Variants in TTC27 observed in about 807,000 individuals in gnomAD.
The protein encoded by TTC27 is tetratricopeptide repeat domain 27.
In TTC27, 79 loss-of-function variants were observed where a neutral mutation model predicts 115.9. The observed-to-expected ratio is 0.68, with a 90% CI of 0.57 to 0.82. TTC27 has a LOEUF of 0.82. Ranked by LOEUF, TTC27 falls within the 40% of genes least tolerant of loss-of-function variation. The pLI, the probability that TTC27 is intolerant of heterozygous loss-of-function variation, is 0.00. For missense variants in TTC27, 1,054 were observed against 993.1 expected (o/e 1.06, Z -0.82); for synonymous variants, 401 against 356.0 (o/e 1.13, Z -1.42).
At position 32,702,848 on chromosome 2, in the gene TTC27, A is replaced by G. The variant is rs1209962467; in HGVS notation, c.1161A>G (p.Ser387=). The change falls in exon 10 of 20, where the codon TCA becomes TCG. Residue 387 remains serine, a synonymous_variant. Transcript: ENST00000317907. ...SQPKFWAIQT[S]ALILRTKLEK... The stretch of plus-strand genomic sequence containing the variant: ...CAAAGTTCTGGGCCATTCAGACATC[A>G]GCCTTGATCCTCCGGACAAAACTTG... 2 of 1,613,984 alleles carry G rather than the reference A, an allele frequency of 1.2e-6. No homozygotes were observed. The highest frequency in any genetic ancestry group is 2.7e-5 in the African/African-American group (2 of 74,920).
intron 18 of TTC27, among the ~76,000 whole-genome samples, chr2:32,815,142 T>A (rs180894923): frequency 6.6e-6 from 1 of 151,530 alleles, no homozygotes; most frequent in Admixed American, 6.6e-5. Context: ...GTGTTTCAGC[T>A]CTTTGCCATC....
chr2:32,763,445 G>T (rs1403158152), intron 13 of TTC27, among the ~76,000 whole-genome samples: 1 of 152,120 alleles, frequency 6.6e-6, no homozygotes, highest in Non-Finnish European at 1.5e-5. Context: ...AAACCAAAGT[G>T]GTATTTGAAT....
intron 9 of TTC27, among the ~76,000 whole-genome samples, chr2:32,696,415 G>A (rs953300052): frequency 1.4e-4 from 21 of 151,644 alleles, no homozygotes; most frequent in Non-Finnish European, 2.5e-4. Flanking sequence ...TCAGCCTCCC[G>A]GGTAGCTGGG....
At chr2:32,820,691 C>T in intron 19 of TTC27, 125 bp from the exon 20 acceptor site, 3 of 838,872 alleles carry the variant, frequency 3.6e-6, no homozygotes, top group Non-Finnish European at 4.8e-6. Flanking sequence ...AAAAATGCTA[C>T]CATTGCTATT....
rs1665687633 is a variant in TTC27, at chr2:32,664,417, A to T, written c.755A>T (p.Asp252Val). ...LYYYEYRKAKDQLDIAKDISQ... is the reference protein window; with the variant it reads ...LYYYEYRKAKVQLDIAKDISQ... ...TATTATGAGTACAGAAAAGCAAAAG[A>T]TCAGTTGGATATTGCTAAGGACATC... The change falls in exon 6 of 20, where the codon GAT becomes GTT. Residue 252 changes from aspartate to valine, a missense_variant. Transcript: ENST00000317907. The T allele has an allele frequency of 6.2e-7, 1 of 1,612,288 alleles. No homozygotes were observed. Among genetic ancestry groups the T allele is most frequent in the Non-Finnish European group, 8.5e-7 (1 of 1,179,464 alleles).
chr2:32,676,217 G>GCTGGAAC (rs1193159713), intron 8 of TTC27, among the ~76,000 whole-genome samples: 1 of 151,906 alleles, frequency 6.6e-6, no homozygotes, highest in Non-Finnish European at 1.5e-5. Flanking sequence ...ACGACCAAAT[G>GCTGGAAC]CTGGAACTTG....
rs777510454 is a variant in TTC27, at chr2:32,736,718, G to A, written c.1354G>A (p.Glu452Lys). 1.2e-6 allele frequency: 2 copies of A among 1,613,936 alleles called. No individual in the cohort carries two copies. Among genetic ancestry groups the A allele is most frequent in the African/African-American group, 1.3e-5 (1 of 75,024 alleles). ...GCGCCAACTTGCAAGTTTGCTCTTT[G>A]AGTTGGGATGTACCAGTTCAGCCCT... ...IQRQLASLLF[E>K]LGCTSSALQI... The change falls in exon 12 of 20, where the codon GAG (glutamate) becomes AAG (lysine). Residue 452 changes from glutamate to lysine, a missense_variant. Glu to Lys is a moderately conservative substitution (Grantham distance 56, BLOSUM62 1). Coordinates refer to ENST00000317907, the MANE Select transcript of TTC27 (RefSeq NM_017735.5).
chr2:32,751,790 A>G (rs548116087), intron 12 of TTC27, among the ~76,000 whole-genome samples: 158 of 152,242 alleles, frequency 1.0e-3, no homozygotes, highest in African/African-American at 3.7e-3. Flanking sequence ...CCTGAATGGT[A>G]TTGGCTTCTT....
At chr2:32,681,940 T>G (rs1666438239) in intron 9 of TTC27, among the ~76,000 whole-genome samples, 1 of 151,254 alleles carries the variant, frequency 6.6e-6, no homozygotes, top group Non-Finnish European at 1.5e-5. Context: ...AAGGTTCATA[T>G]TTTGGCTTAT....
chr2:32,707,395 C>T (rs897881129), intron 10 of TTC27, among the ~76,000 whole-genome samples: 10 of 152,128 alleles, frequency 6.6e-5, no homozygotes, highest in Admixed American at 3.3e-4. Context: ...AGCATTAATC[C>T]ATTCATGAGG....
intron 16 of TTC27, among the ~76,000 whole-genome samples, chr2:32,804,701 C>T (rs1403415938): frequency 2.0e-5 from 3 of 150,866 alleles, no homozygotes; most frequent in East Asian, 1.9e-4. Flanking sequence ...TGTGATTGGC[C>T]GATGGACCCA....
chr2:32,765,533 A>G (rs1352469616), intron 13 of TTC27, among the ~76,000 whole-genome samples: 1 of 152,170 alleles, frequency 6.6e-6, no homozygotes, highest in Non-Finnish European at 1.5e-5. Flanking sequence ...GTGAATGAGC[A>G]TTGGCTTCAG....
chr2:32,803,637 T>C (rs939737462), intron 16 of TTC27, among the ~76,000 whole-genome samples: 3 of 152,084 alleles, frequency 2.0e-5, no homozygotes, highest in African/African-American at 4.8e-5. Context: ...TCAGAAGGAG[T>C]TGGCAACTTG....
At chr2:32,780,357 T>G (rs1572606951) in intron 14 of TTC27, among the ~76,000 whole-genome samples, 2 of 152,230 alleles carry the variant, frequency 1.3e-5, no homozygotes, top group East Asian at 3.8e-4. Flanking sequence ...TTTCAGAGTG[T>G]AAGTTTTACA....
chr2:32,686,534 G>C (rs1666635816), intron 9 of TTC27, among the ~76,000 whole-genome samples: 1 of 151,914 alleles, frequency 6.6e-6, no homozygotes, highest in African/African-American at 2.4e-5. Context: ...TGATTTTTTT[G>C]TGTTTGGGTA....
intron 12 of TTC27, among the ~76,000 whole-genome samples, chr2:32,749,444 G>A (rs1006967413): frequency 6.6e-6 from 1 of 152,200 alleles, no homozygotes; most frequent in South Asian, 2.1e-4. Context: ...AGAGGGGATT[G>A]GAATGGTACA....
At position 32,797,620 on chromosome 2, in the gene TTC27, T is replaced by C. The variant is rs139347060; in HGVS notation, c.1998+10471T>C. Among the ~76,000 whole-genome samples the C allele has an allele frequency of 7.9e-5, 12 of 152,154 alleles. No homozygotes were observed. In the East Asian group the frequency reaches 2.3e-3, roughly 29 times the overall value. On this transcript the variant is annotated intron_variant, in intron 16 of 19. Coordinates refer to ENST00000317907, the MANE Select transcript of TTC27 (RefSeq NM_017735.5). ...TATACACATGCTAACTCAAAATGAATCAAATACTTAAATTTAATAGCTACA... is the reference window on the plus strand; with the variant it reads ...TATACACATGCTAACTCAAAATGAACCAAATACTTAAATTTAATAGCTACA...
intron 13 of TTC27, among the ~76,000 whole-genome samples, chr2:32,772,413 T>TA (rs1447025602): frequency 6.6e-6 from 1 of 152,206 alleles, no homozygotes; most frequent in African/African-American, 2.4e-5. Flanking sequence ...ATCCCTGACT[T>TA]ACAATAGTTC....
chr2:32,688,539 T>C (rs1666712336), intron 9 of TTC27, among the ~76,000 whole-genome samples: 1 of 152,136 alleles, frequency 6.6e-6, no homozygotes, highest in East Asian at 1.9e-4. Context: ...CAAAAGACTT[T>C]TACTTAGCAT....
Sources: allele counts gnomAD v4.1 joint callset (sites outside exome capture counted in the v4.1 genomes callset), GRCh38; gene constraint gnomAD v4.1.1; transcripts MANE v1.5; gene names NCBI Gene and HGNC (gene_info 2026-07-23, HGNC 2026-07-21).